PLD5: variants seen among roughly 807,000 people sequenced by gnomAD.
PLD5 encodes the protein inactive phospholipase D5.
Under a neutral mutation model 61.1 loss-of-function variants are expected in PLD5, and 36 were observed. That is an observed-to-expected ratio of 0.59 (90% confidence interval 0.45 to 0.78). The LOEUF (loss-of-function observed/expected upper bound fraction) is 0.78, where lower values mean the gene tolerates loss of function less well. Among genes scored for constraint, PLD5 ranks in the 30% least tolerant of loss-of-function variants. PLD5 has a pLI of 0.00. For synonymous variants in PLD5, 243 were observed against 242.8 expected (o/e 1.00, Z -0.01); for missense variants, 515 against 644.4 (o/e 0.80, Z 2.17).
chr1:242,217,625 A>C (rs980562385), intron 5 of PLD5, among the ~76,000 whole-genome samples: 1 of 152,156 alleles, frequency 6.6e-6, no homozygotes, highest in Non-Finnish European at 1.5e-5. Flanking sequence ...ACTCCATCTC[A>C]AAAAAAGAAC....
chr1:242,428,658 T>C (rs2654874), intron 1 of PLD5, among the ~76,000 whole-genome samples: 112,231 of 152,010 alleles, frequency 0.74, 42,620 homozygotes, highest in African/African-American at 0.92. Context: ...ACCCAAAGCT[T>C]CCTACCCTAT....
chr1:242,497,177 A>T (rs944597502), intron 1 of PLD5, among the ~76,000 whole-genome samples: 3 of 152,192 alleles, frequency 2.0e-5, no homozygotes, highest in African/African-American at 7.2e-5. Flanking sequence ...AACTACATCT[A>T]CTGCATAAAG....
At chr1:242,366,839 TA>T (rs557719251) in intron 1 of PLD5, among the ~76,000 whole-genome samples, 7 of 151,958 alleles carry the variant, frequency 4.6e-5, no homozygotes, top group South Asian at 4.2e-4. Flanking sequence ...GTGAATAAAT[TA>T]AAAAAAAGCA....
At chr1:242,144,669 T>C (rs1164362921) in intron 5 of PLD5, among the ~76,000 whole-genome samples, 1 of 152,002 alleles carries the variant, frequency 6.6e-6, no homozygotes, top group Non-Finnish European at 1.5e-5. Flanking sequence ...TGGTCCCAGC[T>C]ATTCAGGAGG....
intron 1 of PLD5, among the ~76,000 whole-genome samples, chr1:242,508,006 T>C (rs78005501): frequency 2.7e-5 from 4 of 145,926 alleles, no homozygotes; most frequent in Admixed American, 1.4e-4. Context: ...TTTTTTTTTT[T>C]CCAATGCCGA....
chr1:242,170,015 ACTT>A (rs1666628390), intron 5 of PLD5, among the ~76,000 whole-genome samples: 1 of 152,224 alleles, frequency 6.6e-6, no homozygotes, highest in African/African-American at 2.4e-5. Flanking sequence ...GCTTCAACAG[ACTT>A]AAACGCCCCT....
rs1432457562 is a variant in PLD5, at chr1:242,086,677, A to G, written c.*3177T>C. The stretch of plus-strand genomic sequence containing the variant: ...ATGGAAGTTTTCAACTGGTAGGCCC[A>G]TCGGAAGGTCATTTGAATTCCACAG... On this transcript the variant is annotated 3_prime_UTR_variant, in exon 10 of 10. Coordinates refer to ENST00000536534, the MANE Select transcript of PLD5 (RefSeq NM_001372062.1). 1 of 152,226 alleles carries G rather than the reference A, an allele frequency of 6.6e-6. No individual in the cohort carries two copies. Among genetic ancestry groups the G allele is most frequent in the Non-Finnish European group, 1.5e-5 (1 of 68,060 alleles). 9.4% of individuals were successfully genotyped at this position (152,226 alleles called of 1,614,324 possible).
intron 8 of PLD5, among the ~76,000 whole-genome samples, chr1:242,102,689 G>T (rs1333880044): frequency 6.6e-6 from 1 of 152,182 alleles, no homozygotes; most frequent in African/African-American, 2.4e-5. Flanking sequence ...CTCTATGCAA[G>T]ATTCCAATCC....
intron 1 of PLD5, among the ~76,000 whole-genome samples, chr1:242,382,675 G>A (rs1662367626): frequency 6.6e-6 from 1 of 152,158 alleles, no homozygotes; most frequent in Non-Finnish European, 1.5e-5. Flanking sequence ...AATGGAAAAT[G>A]TCTTTCTGGC....
intron 1 of PLD5, among the ~76,000 whole-genome samples, chr1:242,483,760 T>C (rs1667864360): frequency 6.6e-6 from 1 of 152,178 alleles, no homozygotes; most frequent in African/African-American, 2.4e-5. Context: ...ATATACATTC[T>C]TTTCAGCACC....
At chr1:242,392,084 G>A (rs1335802858) in intron 1 of PLD5, among the ~76,000 whole-genome samples, 1 of 152,126 alleles carries the variant, frequency 6.6e-6, no homozygotes, top group Non-Finnish European at 1.5e-5. Flanking sequence ...CCATGAAAAA[G>A]AACAAAGTCA....
intron 1 of PLD5, among the ~76,000 whole-genome samples, chr1:242,502,690 C>G (rs916886427): frequency 6.6e-6 from 1 of 151,058 alleles, no homozygotes; most frequent in Non-Finnish European, 1.5e-5. Flanking sequence ...TGTGTATGTG[C>G]GTGTGTGTGT....
chr1:242,265,392 C>T lies in PLD5; in HGVS notation c.552G>A (p.Lys184=). The part of the protein sequence containing the change: ...LQLTSQNIEI[K]LVSDVTADSK... ...AATCAGCTGTTACATCACTCACTAG[C>T]TTGATTTCAATATTTTGCGAAGTCA... Residue 184 remains lysine (K), a synonymous_variant, in exon 4 of 10, where the codon AAG becomes AAA. Transcript: ENST00000536534. 6.2e-7 allele frequency: 1 copy of T among 1,612,778 alleles called. No individual in the cohort carries two copies. The highest frequency in any genetic ancestry group is 1.1e-5 in the South Asian group (1 of 90,720).
chr1:242,241,991 CTATA>C (rs71579089), intron 4 of PLD5, among the ~76,000 whole-genome samples: 151 of 115,306 alleles, frequency 1.3e-3, no homozygotes, highest in Non-Finnish European at 2.1e-3. Flanking sequence ...TATATACTTA[CTATA>C]TATATATATA....
chr1:242,133,006 C>CTCCT (rs59128306), intron 5 of PLD5, among the ~76,000 whole-genome samples: 14,613 of 150,394 alleles, frequency 0.097, 881 homozygotes, highest in Non-Finnish European at 0.14. Context: ...GCAGCCACCC[C>CTCCT]TCCCACTCCC....
chr1:242,454,733 A>G (rs1165647035), intron 1 of PLD5, among the ~76,000 whole-genome samples: 1 of 152,216 alleles, frequency 6.6e-6, no homozygotes, highest in Non-Finnish European at 1.5e-5. Flanking sequence ...TAAGTAGGGT[A>G]GCAGCCATTG....
At chr1:242,459,029 C>A (rs570421530) in intron 1 of PLD5, among the ~76,000 whole-genome samples, 11 of 151,960 alleles carry the variant, frequency 7.2e-5, no homozygotes, top group Non-Finnish European at 1.3e-4. Flanking sequence ...GGATAAATGG[C>A]AAAAAAATTC....
At chr1:242,362,147 G>A (rs1364559135) in intron 1 of PLD5, among the ~76,000 whole-genome samples, 1 of 151,708 alleles carries the variant, frequency 6.6e-6, no homozygotes, top group African/African-American at 2.4e-5. Context: ...CAAAATCATG[G>A]TCAAGTCTTA....
intron 1 of PLD5, among the ~76,000 whole-genome samples, chr1:242,462,012 A>G (rs935932843): frequency 1.3e-5 from 2 of 152,316 alleles, no homozygotes; most frequent in East Asian, 3.9e-4. Flanking sequence ...TTCTCCTATC[A>G]TACAGAGCTG....
Sources: allele counts gnomAD v4.1 joint callset (sites outside exome capture counted in the v4.1 genomes callset), GRCh38; gene constraint gnomAD v4.1.1; transcripts MANE v1.5; gene names NCBI Gene and HGNC (gene_info 2026-07-23, HGNC 2026-07-21).